The following ABAT variants were observed in gnomAD, a reference collection of about 807,000 sequenced individuals.
ABAT encodes the protein 4-aminobutyrate aminotransferase.
Under a neutral mutation model 64.6 loss-of-function variants are expected in ABAT, and 45 were observed. The observed-to-expected ratio is 0.70, with a 90% CI of 0.55 to 0.89. The LOEUF is 0.89. Ranked by LOEUF, ABAT falls within the 40% of genes least tolerant of loss-of-function variation. ABAT has a pLI of 0.00. For synonymous variants in ABAT, 297 were observed against 250.5 expected, an observed-to-expected ratio of 1.19 and a Z score of -1.75; for missense variants, 633 against 658.4, an observed-to-expected ratio of 0.96 and a Z score of 0.42.
intron 1 of ABAT, among the ~76,000 whole-genome samples, chr16:8,719,760 GAGGAGGAGGAGA>G (rs1403305533): frequency 2.1e-5 from 3 of 140,566 alleles, no homozygotes; most frequent in African/African-American, 8.3e-5. Flanking sequence ...AAAGAAGGAG[GAGGAGGAGGAGA>G]AGGAGAAGGA....
intron 1 of ABAT, chr16:8,713,465 C>T: frequency 5.7e-6 from 1 of 176,752 alleles, no homozygotes; most frequent in South Asian, 1.2e-4. Flanking sequence ...CTCCTTCTGC[C>T]TCTGTTAATC....
chr16:8,761,298 C>T (rs1371905635), intron 6 of ABAT, among the ~76,000 whole-genome samples: 1 of 151,870 alleles, frequency 6.6e-6, no homozygotes, highest in Non-Finnish European at 1.5e-5. Flanking sequence ...CCATCGATCC[C>T]TCCCACCTCC....
At position 8,737,991 on chromosome 16, in the gene ABAT, G is replaced by GGAAGGAAGGAAGGAAGGAAGAAA. The variant is rs1567295685; in HGVS notation, c.70+2185_70+2186insGGAAGGAAGGAAGGAAGAAAGAA. Reference sequence around the variant, plus strand: ...AAGGAAGGAAGGAAGGAAGGAAGGAGGAAAGAAAGAAAGAAAGAAAGAAAG... The same window carrying GGAAGGAAGGAAGGAAGGAAGAAA: ...AAGGAAGGAAGGAAGGAAGGAAGGAGGAAGGAAGGAAGGAAGGAAGAAAGAAAGAAAGAAAGAAAGAAAGAAAG... On this transcript the variant is annotated intron_variant, in intron 2 of 15. Transcript: ENST00000268251. Among the ~76,000 whole-genome samples the GGAAGGAAGGAAGGAAGGAAGAAA allele has an allele frequency of 2.5e-3, 38 of 14,962 alleles. 9 individuals carry two copies. The highest frequency in any genetic ancestry group is 0.059 in the Middle Eastern group (2 of 34). The allele number at this position is 14,962 out of a possible 152,430, so 9.8% of individuals were successfully genotyped here.
chr16:8,701,546 G>A (rs79851957), intron 1 of ABAT, among the ~76,000 whole-genome samples: 3,108 of 152,338 alleles, frequency 0.02, 275 homozygotes, highest in Admixed American at 0.16. Context: ...GACTGAGCAG[G>A]TGACTTCACT....
chr16:8,778,094 G>C (rs1042368342), intron 14 of ABAT, among the ~76,000 whole-genome samples: 99 of 152,250 alleles, frequency 6.5e-4, no homozygotes, highest in African/African-American at 2.0e-3. Context: ...CCAGTACCCT[G>C]AAATTATTTG....
chr16:8,750,965 T>C (rs79636399), intron 5 of ABAT, among the ~76,000 whole-genome samples: 18 of 141,892 alleles, frequency 1.3e-4, no homozygotes, highest in Middle Eastern at 3.6e-3. Context: ...TTTTTTTTTT[T>C]CCAGACGAAG....
chr16:8,759,032 G>T (rs28557212), intron 6 of ABAT, among the ~76,000 whole-genome samples: 3,191 of 152,222 alleles, frequency 0.021, 119 homozygotes, highest in African/African-American at 0.072. Context: ...AACCCAGGAG[G>T]TGGAGGTTGC....
intron 11 of ABAT, among the ~76,000 whole-genome samples, chr16:8,770,830 C>A (rs948880581): frequency 1.3e-5 from 2 of 152,104 alleles, no homozygotes; most frequent in East Asian, 1.9e-4. Flanking sequence ...AATATTATCA[C>A]GTAAATGTGT....
At chr16:8,719,496 G>A (rs1389130322) in intron 1 of ABAT, among the ~76,000 whole-genome samples, 1 of 152,186 alleles carries the variant, frequency 6.6e-6, no homozygotes, top group African/African-American at 2.4e-5. Context: ...CTGCCTGCTA[G>A]CAACGATGTG....
Position 8,750,420 on chromosome 16 carries a change from A to G in ABAT, c.199-2A>G. The G allele has an allele frequency of 6.2e-7, 1 of 1,613,836 alleles. No homozygotes were observed. The highest frequency in any genetic ancestry group is 1.1e-5 in the South Asian group (1 of 91,076). ...CCTGAGTTGGTCTTTTCTTTCTCCAAGAATGCAGAGGCTGTGCATTTTTTC... is the reference window on the plus strand; with the variant it reads ...CCTGAGTTGGTCTTTTCTTTCTCCAGGAATGCAGAGGCTGTGCATTTTTTC... On this transcript the variant is annotated splice_acceptor_variant, in intron 4 of 15. Coordinates refer to ENST00000268251, the MANE Select transcript of ABAT (RefSeq NM_020686.6). LOFTEE classifies it high-confidence loss of function.
Position 8,775,004 on chromosome 16 carries a change from A to G in ABAT, c.1069A>G (p.Lys357Glu), listed in dbSNP as rs1454471022. The G allele has an allele frequency of 6.2e-7, 1 of 1,614,256 alleles. No individual in the cohort carries two copies. The highest frequency in any genetic ancestry group is 8.5e-7 in the Non-Finnish European group (1 of 1,180,044). The change falls in exon 13 of 16, where the codon AAG (lysine) becomes GAG (glutamate). Residue 357 changes from lysine (K) to glutamate (E), a missense_variant. Lys to Glu is a moderately conservative substitution (Grantham distance 56). Transcript: ENST00000268251. ...CCCAGCAGACGTGATGACCTTCAGC[A>G]AGAAGATGATGACTGGGGGCTTCTT... Reference protein sequence around the residue: ...DDPADVMTFSKKMMTGGFFHK... With the variant: ...DDPADVMTFSEKMMTGGFFHK...
chr16:8,781,930 C>T lies in ABAT; in HGVS notation c.*500C>T, dbSNP rs926463504. ...CTCCCGGAGCTCTGAGCACGCCCCACGCATGGTGCAGGAGGGACTGGACAG... is the reference window on the plus strand; with the variant it reads ...CTCCCGGAGCTCTGAGCACGCCCCATGCATGGTGCAGGAGGGACTGGACAG... On this transcript the variant is annotated 3_prime_UTR_variant, in exon 16 of 16. Coordinates refer to ENST00000268251, the MANE Select transcript of ABAT (RefSeq NM_020686.6). This position sits in a 1 kb window ranked among gnomAD's most constrained non-coding sequence, Gnocchi z 4.5. 20 of 305,508 alleles carry T rather than the reference C, an allele frequency of 6.5e-5. No individual in the cohort carries two copies. Among genetic ancestry groups the T allele is most frequent in the African/African-American group, 1.1e-4 (5 of 46,198 alleles). The allele number at this position is 305,508 out of a possible 1,614,324, so 18.9% of individuals were successfully genotyped here. A position where few individuals can be genotyped will look rare whatever the true frequency, so the allele number is the denominator to read the frequency against.
At chr16:8,704,683 CT>C (rs965724919) in intron 1 of ABAT, among the ~76,000 whole-genome samples, 2 of 152,090 alleles carry the variant, frequency 1.3e-5, no homozygotes, top group Non-Finnish European at 2.9e-5. Flanking sequence ...ATTTTACATT[CT>C]TTTTTTCTCT....
chr16:8,753,626 C>T (rs1435978493), intron 5 of ABAT, among the ~76,000 whole-genome samples: 1 of 152,246 alleles, frequency 6.6e-6, no homozygotes, highest in Non-Finnish European at 1.5e-5. Context: ...CATGAACACA[C>T]AGGCAGTGGT....
Position 8,782,274 on chromosome 16 carries a change from G to C in ABAT, c.*844G>C, listed in dbSNP as rs1194469629. Reference sequence around the variant, plus strand: ...GTGAGCCACAGGGCTAGAAGCACAGGCCCGTCACCCCAGGAGGAAAAGCCC... The same window carrying C: ...GTGAGCCACAGGGCTAGAAGCACAGCCCCGTCACCCCAGGAGGAAAAGCCC... On this transcript the variant is annotated 3_prime_UTR_variant, in exon 16 of 16. Coordinates refer to ENST00000268251, the MANE Select transcript of ABAT (RefSeq NM_020686.6). 1 of 152,346 alleles carries C rather than the reference G, an allele frequency of 6.6e-6. No homozygotes were observed. Among genetic ancestry groups the C allele is most frequent in the Non-Finnish European group, 1.5e-5 (1 of 68,152 alleles). The allele number at this position is 152,346 out of a possible 1,614,324, so 9.4% of individuals were successfully genotyped here. A position where few individuals can be genotyped will look rare whatever the true frequency, so the allele number is the denominator to read the frequency against.
intron 1 of ABAT, among the ~76,000 whole-genome samples, chr16:8,726,860 C>T (rs1285727451): frequency 6.6e-6 from 1 of 152,180 alleles, no homozygotes; most frequent in African/African-American, 2.4e-5. Context: ...TTTGTTATTG[C>T]CTGTCTTTTG....
At chr16:8,768,380 C>A in intron 10 of ABAT, 124 bp downstream of exon 10, 2 of 982,690 alleles carry the variant, frequency 2.0e-6, no homozygotes, top group Non-Finnish European at 3.2e-6. Flanking sequence ...AATCCCACTG[C>A]AGAGTGGGGA....
chr16:8,766,408 A>G, intron 9 of ABAT, 138 bp downstream of exon 9: 1 of 806,408 alleles, frequency 1.2e-6, no homozygotes, highest in Non-Finnish European at 2.0e-6. Context: ...TAATCCCAGC[A>G]CTTTGGGAGG....
At chr16:8,724,515 T>G (rs193164092) in intron 1 of ABAT, among the ~76,000 whole-genome samples, 1 of 152,198 alleles carries the variant, frequency 6.6e-6, no homozygotes, top group Admixed American at 6.5e-5. Context: ...GAGGACTGCT[T>G]GAGCCCAGGA....
Sources: gnomAD v4.1 joint callset for allele counts (sites outside exome capture counted in the v4.1 genomes callset) on GRCh38, gnomAD v4.1.1 for gene constraint, Gnocchi (gnomAD v3.1) non-coding constraint, MANE v1.5 for transcripts, NCBI Gene and HGNC (gene_info 2026-07-23, HGNC 2026-07-21) for gene names.